The following HIBCH variants were observed in gnomAD, a reference collection of about 807,000 sequenced individuals.
HIBCH encodes 3-hydroxyisobutyryl-CoA hydrolase, also known as 3-hydroxyisobutyryl-CoA hydrolase, mitochondrial.
A neutral mutation model predicts 58.2 loss-of-function variants in HIBCH; 50 were observed. The observed-to-expected ratio is 0.86, with a 90% CI of 0.68 to 1.09. The LOEUF is 1.09. Ranked by LOEUF, HIBCH falls within the 50% of genes least tolerant of loss-of-function variation. The pLI, the probability that HIBCH is intolerant of heterozygous loss-of-function variation, is 0.00. For missense variants in HIBCH, 450 were observed against 449.7 expected, an observed-to-expected ratio of 1.00 and a Z score of -0.01; for synonymous variants, 151 against 146.9, an observed-to-expected ratio of 1.03 and a Z score of -0.20.
At chr2:190,309,411 G>A (rs1688500576) in intron 2 of HIBCH, among the ~76,000 whole-genome samples, 1 of 151,994 alleles carries the variant, frequency 6.6e-6, no homozygotes, top group Admixed American at 6.6e-5. Context: ...CAATTTACTT[G>A]TCAGCCTCTA....
rs1686279870 is a variant in HIBCH, at chr2:190,236,517, A to G, written c.891+8370T>C. Reference sequence around the variant, plus strand: ...GTGTTCCGACTGACAATAAACCAATACAAATACAAAATATTTAAAACAAGA... The same window carrying G: ...GTGTTCCGACTGACAATAAACCAATGCAAATACAAAATATTTAAAACAAGA... On this transcript the variant is annotated intron_variant, in intron 11 of 13. Transcript: ENST00000359678. The surrounding 1 kb of genome is among the most constrained non-coding windows in gnomAD (Gnocchi z 4.1). Among the ~76,000 whole-genome samples, 1 of 152,234 alleles carries G rather than the reference A, an allele frequency of 6.6e-6. No individual in the cohort carries two copies. Among genetic ancestry groups the G allele is most frequent in the African/African-American group, 2.4e-5 (1 of 41,470 alleles).
At chr2:190,294,727 T>C in intron 3 of HIBCH, 97 bp from the exon 4 acceptor site, 1 of 794,396 alleles carries the variant, frequency 1.3e-6, no homozygotes, top group African/African-American at 1.7e-5. Context: ...TATATTCATA[T>C]ACATATGTGT....
intron 6 of HIBCH, among the ~76,000 whole-genome samples, chr2:190,280,605 A>C (rs574785363): frequency 6.6e-6 from 1 of 150,380 alleles, no homozygotes; most frequent in East Asian, 2.0e-4. Context: ...CTGGTATATA[A>C]CCTTCCTCTA....
intron 6 of HIBCH, among the ~76,000 whole-genome samples, chr2:190,270,245 A>G (rs1334297687): frequency 6.7e-6 from 1 of 148,610 alleles, no homozygotes; most frequent in East Asian, 2.0e-4. Context: ...ATGTACTAGT[A>G]AAAATAAATT....
chr2:190,314,376 T>C (rs1688656352), intron 1 of HIBCH, among the ~76,000 whole-genome samples: 1 of 87,656 alleles, frequency 1.1e-5, no homozygotes, highest in African/African-American at 4.8e-5. Context: ...TATACGTATA[T>C]ATGTGTATAT....
chr2:190,244,759 T>C (rs1187666041), intron 11 of HIBCH, 128 bp downstream of exon 11: 5 of 771,176 alleles, frequency 6.5e-6, no homozygotes, highest in Middle Eastern at 2.3e-4. Flanking sequence ...CACCTAAATT[T>C]GGGAAAAAAG....
At chr2:190,288,174 T>TAAAAAAAAAAAAA (rs72480573) in intron 5 of HIBCH, among the ~76,000 whole-genome samples, 2 of 144,884 alleles carry the variant, frequency 1.4e-5, no homozygotes, top group African/African-American at 5.2e-5. Context: ...TTTTTTTTTT[T>TAAAAAAAAAAAAA]AAAAAAAGGA....
At chr2:190,295,717 C>G (rs1347359960) in intron 3 of HIBCH, among the ~76,000 whole-genome samples, 1 of 152,178 alleles carries the variant, frequency 6.6e-6, no homozygotes, top group Non-Finnish European at 1.5e-5. Flanking sequence ...TTCTTCCACT[C>G]TGGTCCAACT....
At chr2:190,200,112 C>T, downstream of HIBCH, 1 of 1,613,982 alleles carries the variant, frequency 6.2e-7, no homozygotes, top group Admixed American at 1.7e-5. Context: ...ACATCAAGTA[C>T]CATGACATTC....
rs1231037821 is a variant in HIBCH, at chr2:190,214,364, A to C, written c.892-1289T>G. On this transcript the variant is annotated intron_variant, in intron 11 of 13. Transcript: ENST00000359678. This position sits in a 1 kb window ranked among gnomAD's most constrained non-coding sequence, Gnocchi z 5.5. ...GACACAGAGACTAAGTGAAAATGGG[A>C]AACAGGAATTCTAGGCCTACAGAAC... 6.6e-6 allele frequency: 1 copy of C among 152,294 alleles called. No homozygotes were observed. The highest frequency in any genetic ancestry group is 2.4e-5 in the African/African-American group (1 of 41,456). 9.4% of individuals were successfully genotyped at this position (152,294 alleles called of 1,614,324 possible). A position where few individuals can be genotyped will look rare whatever the true frequency, so the allele number is the denominator to read the frequency against.
chr2:190,248,817 C>T (rs981905722), intron 9 of HIBCH, among the ~76,000 whole-genome samples: 4 of 151,258 alleles, frequency 2.6e-5, no homozygotes, highest in East Asian at 3.9e-4. Flanking sequence ...GCCAAGATTG[C>T]GCCACCGCCC....
rs1410208332 is a variant in HIBCH at position 190,214,627 on chromosome 2, A to T, written c.892-1552T>A. The T allele has an allele frequency of 2.0e-5, 3 of 152,226 alleles. No homozygotes were observed. Among genetic ancestry groups the T allele is most frequent in the Non-Finnish European group, 4.4e-5 (3 of 68,040 alleles). The allele number at this position is 152,226 out of a possible 1,614,324, so 9.4% of individuals were successfully genotyped here. On this transcript the variant is annotated intron_variant, in intron 11 of 13. Coordinates refer to ENST00000359678, the MANE Select transcript of HIBCH (RefSeq NM_014362.4). The surrounding 1 kb of genome is among the most constrained non-coding windows in gnomAD (Gnocchi z 5.5). ...CAAGCTTTAATTCTCTACGTGAATG[A>T]TAAAACCCATACTCACAGAGGATGT...
chr2:190,282,144 G>A (rs1687719692), intron 6 of HIBCH, among the ~76,000 whole-genome samples: 1 of 152,078 alleles, frequency 6.6e-6, no homozygotes, highest in Admixed American at 6.6e-5. Flanking sequence ...TCTTTCAAGT[G>A]TCTATCCATT....
downstream of HIBCH, chr2:190,199,882 C>G (rs778175314): frequency 1.2e-6 from 2 of 1,613,800 alleles, no homozygotes; most frequent in Non-Finnish European, 1.7e-6. Flanking sequence ...GAAATCAAAG[C>G]AAACTTTCCC....
At chr2:190,193,189 A>T (rs1388647573) in intron 1 of HIBCH, among the ~76,000 whole-genome samples, 2 of 151,506 alleles carry the variant, frequency 1.3e-5, no homozygotes, top group East Asian at 1.9e-4. Context: ...TTTTATCAAA[A>T]TTTTTTTTCT....
chr2:190,208,786 G>A (rs1559011034), intron 13 of HIBCH, 94 bp downstream of exon 13: 2 of 1,104,894 alleles, frequency 1.8e-6, no homozygotes, highest in South Asian at 2.6e-5. Flanking sequence ...TGGATTTTAG[G>A]ATTTGGGATG....
chr2:190,218,399 C>G (rs1465150919), intron 11 of HIBCH, among the ~76,000 whole-genome samples: 1 of 152,042 alleles, frequency 6.6e-6, no homozygotes, highest in East Asian at 1.9e-4. Flanking sequence ...TACTCTAGAC[C>G]AGGAACCCTG....
chr2:190,212,823 G>T, intron 12 of HIBCH, 133 bp downstream of exon 12: 1 of 751,604 alleles, frequency 1.3e-6, no homozygotes, highest in Non-Finnish European at 2.2e-6. Context: ...TAACTGGCCT[G>T]TTGTGTTTTT....
At chr2:190,282,088 T>G (rs1180593230) in intron 6 of HIBCH, among the ~76,000 whole-genome samples, 2 of 152,146 alleles carry the variant, frequency 1.3e-5, no homozygotes, top group African/African-American at 4.8e-5. Context: ...CCCTTAATGC[T>G]CCGTTCACAG....
Sources: allele counts gnomAD v4.1 joint callset (sites outside exome capture counted in the v4.1 genomes callset), GRCh38; gene constraint gnomAD v4.1.1; non-coding constraint Gnocchi (gnomAD v3.1); transcripts MANE v1.5; gene names NCBI Gene and HGNC (gene_info 2026-07-23, HGNC 2026-07-21).